The following TAF5L variants were observed in gnomAD, a reference collection of about 807,000 sequenced individuals.
TAF5L encodes the protein TAF5-like RNA polymerase II p300/CBP-associated factor-associated factor 65 kDa subunit 5L.
In TAF5L, 7 loss-of-function variants were observed where a neutral mutation model predicts 51.3. The observed-to-expected ratio is 0.14, with a 90% CI of 0.08 to 0.26. The LOEUF (loss-of-function observed/expected upper bound fraction) is 0.26. Ranked by LOEUF, TAF5L falls within the 10% of genes least tolerant of loss-of-function variation. The pLI, the probability that TAF5L is intolerant of heterozygous loss-of-function variation, is 1.00. For synonymous variants in TAF5L, 291 were observed against 308.1 expected, an observed-to-expected ratio of 0.94 and a Z score of 0.58; for missense variants, 575 against 758.9, an observed-to-expected ratio of 0.76 and a Z score of 2.85.
intron 3 of TAF5L, chr1:229,607,360 A>T: frequency 1.0e-6 from 1 of 985,418 alleles, no homozygotes; most frequent in Non-Finnish European, 1.2e-6. Flanking sequence ...TCCTCTTACA[A>T]ATAATTTTAC....
intron 1 of TAF5L, among the ~76,000 whole-genome samples, chr1:229,615,118 C>T (rs917826289): frequency 3.3e-5 from 5 of 152,188 alleles, no homozygotes; most frequent in African/African-American, 9.6e-5. Flanking sequence ...GACAGAGTCT[C>T]GCTCTGTCGC....
intron 3 of TAF5L, among the ~76,000 whole-genome samples, chr1:229,604,824 G>A (rs998763639): frequency 2.6e-5 from 4 of 152,162 alleles, no homozygotes; most frequent in Non-Finnish European, 5.9e-5. Flanking sequence ...TGTAATTGTT[G>A]TATTTCTTGT....
Position 229,602,897 on chromosome 1 carries a change from G to A in TAF5L, c.270C>T (p.His90=), listed in dbSNP as rs747980765. The A allele has an allele frequency of 5.6e-6, 9 of 1,599,644 alleles. No homozygotes were observed. The highest frequency in any genetic ancestry group is 2.2e-5 in the East Asian group (1 of 44,840). The stretch of plus-strand genomic sequence containing the variant: ...GAGGATAGAGGAGAGGCATCACTTC[G>A]TGGCTATGCTGGGAATCAGAATCTA... Residue 90 remains histidine, a synonymous_variant, in exon 4 of 5, where the codon CAC becomes CAT. Coordinates refer to ENST00000258281, the Ensembl canonical transcript of TAF5L. This position sits in a 1 kb window ranked among gnomAD's most constrained non-coding sequence, Gnocchi z 4.6.
chr1:229,607,801 T>A (rs1163263107), intron 3 of TAF5L: 1 of 152,266 alleles, frequency 6.6e-6, no homozygotes, highest in Non-Finnish European at 1.5e-5. Flanking sequence ...AGGAAATAAC[T>A]ATTCATTTGA....
intron 1 of TAF5L, among the ~76,000 whole-genome samples, chr1:229,619,718 T>A (rs1665134681): frequency 6.6e-6 from 1 of 152,108 alleles, no homozygotes. Context: ...AACTTTTTGA[T>A]CTAACCAGTC....
At chr1:229,615,662 T>C (rs1420153797) in intron 1 of TAF5L, among the ~76,000 whole-genome samples, 1 of 151,972 alleles carries the variant, frequency 6.6e-6, no homozygotes, top group Non-Finnish European at 1.5e-5. Context: ...TTGAGTTTAT[T>C]ATCAACAATG....
chr1:229,615,229 A>C (rs1175236754), intron 1 of TAF5L, among the ~76,000 whole-genome samples: 2 of 152,088 alleles, frequency 1.3e-5, no homozygotes, highest in Non-Finnish European at 2.9e-5. Flanking sequence ...CTGGGACTAC[A>C]GGCACCCACC....
chr1:229,602,858 G>A lies in TAF5L; in HGVS notation c.309C>T (p.Leu103=). Residue 103 remains leucine, a synonymous_variant, in exon 4 of 5, where the codon CTC becomes CTT. Coordinates refer to ENST00000258281, the Ensembl canonical transcript of TAF5L. This position sits in a 1 kb window ranked among gnomAD's most constrained non-coding sequence, Gnocchi z 4.6. ...GACTGTTTTGGACCAGGTTGAGATG[G>A]AGGTAGACAAAGAGAGGATAGAGGA... 6.2e-7 allele frequency: 1 copy of A among 1,610,148 alleles called. No homozygotes were observed. Among genetic ancestry groups the A allele is most frequent in the Non-Finnish European group, 8.5e-7 (1 of 1,180,012 alleles).
intron 4 of TAF5L, chr1:229,600,810 T>C: frequency 1.0e-6 from 1 of 985,416 alleles, no homozygotes; most frequent in Non-Finnish European, 1.2e-6. Context: ...TTTATTTTGG[T>C]CTACTGTTAT....
At chr1:229,607,278 A>C in intron 3 of TAF5L, 3 of 985,376 alleles carry the variant, frequency 3.0e-6, no homozygotes, top group Non-Finnish European at 3.6e-6. Context: ...AATGCTGTCA[A>C]ATTCTGGTCC....
At chr1:229,609,813 C>G (rs199754397) in intron 3 of TAF5L, among the ~76,000 whole-genome samples, 1 of 144,900 alleles carries the variant, frequency 6.9e-6, no homozygotes, top group African/African-American at 2.5e-5. Flanking sequence ...AGTGAATAAA[C>G]ACCCAGAGCT....
chr1:229,603,352 A>C (rs1469210231), intron 3 of TAF5L, among the ~76,000 whole-genome samples: 4 of 152,232 alleles, frequency 2.6e-5, no homozygotes, highest in Non-Finnish European at 5.9e-5. Flanking sequence ...TGTGATGATA[A>C]TATAAAAAAT....
chr1:229,607,543 T>G, intron 3 of TAF5L: 1 of 950,934 alleles, frequency 1.1e-6, no homozygotes, highest in Non-Finnish European at 1.3e-6. Flanking sequence ...AATCCATCCT[T>G]CAAGTGCTGA....
chr1:229,601,886 T>G (rs751531367), intron 4 of TAF5L: 26 of 1,135,740 alleles, frequency 2.3e-5, no homozygotes, highest in Non-Finnish European at 2.5e-5. Context: ...GTATATTTAC[T>G]GCAAATCTCA....
chr1:229,605,236 G>A (rs1664547662), intron 3 of TAF5L, among the ~76,000 whole-genome samples: 1 of 151,916 alleles, frequency 6.6e-6, no homozygotes, highest in Non-Finnish European at 1.5e-5. Flanking sequence ...TGGGATTAAG[G>A]GTGTGAGCCA....
chr1:229,621,552 A>T (rs1174778512), intron 1 of TAF5L, among the ~76,000 whole-genome samples: 1 of 152,256 alleles, frequency 6.6e-6, no homozygotes, highest in Non-Finnish European at 1.5e-5. Flanking sequence ...AAGGAAAAAG[A>T]CAATTTGCTT....
At chr1:229,622,166 AC>A (rs1474225661) in intron 1 of TAF5L, among the ~76,000 whole-genome samples, 1 of 150,450 alleles carries the variant, frequency 6.6e-6, no homozygotes, top group Non-Finnish European at 1.5e-5. Context: ...GATACCCCCC[AC>A]CCCCATCAGG....
At chr1:229,614,060 A>C in intron 2 of TAF5L, 1 of 611,482 alleles carries the variant, frequency 1.6e-6, no homozygotes, top group Non-Finnish European at 2.9e-6. Context: ...AGTTGCACGT[A>C]CTTTCAGGTA....
intron 4 of TAF5L, among the ~76,000 whole-genome samples, chr1:229,595,295 G>A (rs1306749747): frequency 2.0e-5 from 3 of 152,176 alleles, no homozygotes; most frequent in Non-Finnish European, 2.9e-5. Flanking sequence ...AGTCTCTTAC[G>A]ACTTACAAAT....
Sources: allele counts gnomAD v4.1 joint callset (sites outside exome capture counted in the v4.1 genomes callset), GRCh38; gene constraint gnomAD v4.1.1; non-coding constraint Gnocchi (gnomAD v3.1); transcripts MANE v1.5; gene names NCBI Gene and HGNC (gene_info 2026-07-23, HGNC 2026-07-21).